Variants in RYR3 observed in about 807,000 individuals in gnomAD.
The protein encoded by RYR3 is brain ryanodine receptor-calcium release channel.
RYR3 carries 207 observed loss-of-function variants against 584.3 expected under a neutral mutation model. That is an observed-to-expected ratio of 0.35 (90% CI 0.32 to 0.40). The LOEUF (loss-of-function observed/expected upper bound fraction) is 0.40. RYR3 is among the 10% of genes least tolerant of loss of function. The pLI, the probability that RYR3 is intolerant of heterozygous loss-of-function variation, is 1.00. For synonymous variants in RYR3, 2,416 were observed against 2,248.5 expected (o/e 1.07, Z -2.11); for missense variants, 5,616 against 6,089.2 (o/e 0.92, Z 2.59).
chr15:33,617,411 CA>C (rs200334863), intron 19 of RYR3, among the ~76,000 whole-genome samples: 41 of 143,338 alleles, frequency 2.9e-4, no homozygotes, highest in African/African-American at 9.0e-4. Context: ...GACTCTGACT[CA>C]AAAAAAAAAC....
chr15:33,547,750 A>G (rs2056355530), intron 8 of RYR3, among the ~76,000 whole-genome samples: 1 of 152,202 alleles, frequency 6.6e-6, no homozygotes, highest in Admixed American at 6.5e-5. Context: ...TTAAAGATAT[A>G]ATAAAACTAC....
rs765265765 is a variant in RYR3 at position 33,838,642 on chromosome 15, A to G, written c.12662A>G (p.Glu4221Gly). 6.2e-7 allele frequency: 1 copy of G among 1,613,910 alleles called. No homozygotes were observed. Among genetic ancestry groups the G allele is most frequent in the Non-Finnish European group, 8.5e-7 (1 of 1,179,860 alleles). The change falls in exon 89 of 104, where the codon GAA (glutamate) becomes GGA (glycine). Residue 4221 changes from glutamate to glycine, a missense_variant. Around this residue, in one of 9 missense-constraint regions of RYR3, gnomAD observed 918 missense variants for 887.4 expected, o/e 1.03. Transcript: ENST00000634891. ...WSTVFGGGLV[E>G]GAKNIRVTKI... ...ACAGTGTTTGGAGGGGGCCTGGTAG[A>G]AGGGGCAAAGAACATCAGAGTGACC... is the stretch of plus-strand genomic sequence containing the variant.
Position 33,772,084 on chromosome 15 carries a change from C to T in RYR3, c.8981C>T (p.Thr2994Ile). The change falls in exon 63 of 104, where the codon ACA becomes ATA. Residue 2994 changes from threonine (T) to isoleucine (I), a missense_variant. Thr to Ile is a moderately conservative substitution (Grantham distance 89). This residue lies in a region of RYR3 where 954 missense variants were observed against 1,132.2 expected (regional missense o/e 0.84). Transcript: ENST00000634891. ...GTTTCTCAGAATATTAACTACACTA[C>T]AGTGGCTCTGCTCCCCATCCTGACG... ...KGVSQNINYT[T>I]VALLPILTSI... The T allele has an allele frequency of 6.2e-7, 1 of 1,613,810 alleles. No homozygotes were observed. Among genetic ancestry groups the T allele is most frequent in the East Asian group, 2.2e-5 (1 of 44,870 alleles).
chr15:33,781,976 G>A (rs1464787077), intron 65 of RYR3, among the ~76,000 whole-genome samples: 1 of 152,164 alleles, frequency 6.6e-6, no homozygotes, highest in African/African-American at 2.4e-5. Flanking sequence ...GTTGAGAAGT[G>A]GCTGTGACAT....
intron 10 of RYR3, among the ~76,000 whole-genome samples, chr15:33,557,001 C>G (rs1030794743): frequency 2.6e-5 from 4 of 152,268 alleles, no homozygotes; most frequent in South Asian, 4.1e-4. Context: ...TTCATGTTAA[C>G]CTTTAAGCAA....
intron 7 of RYR3, among the ~76,000 whole-genome samples, 180 bp downstream of exon 7, chr15:33,541,070 C>T (rs945571493): frequency 4.6e-5 from 7 of 152,120 alleles, no homozygotes; most frequent in Non-Finnish European, 2.9e-5. Flanking sequence ...ATTCTAACTT[C>T]CAGTTACATG....
At chr15:33,863,542 G>A (rs1051727009) in intron 102 of RYR3, among the ~76,000 whole-genome samples, 3 of 152,168 alleles carry the variant, frequency 2.0e-5, no homozygotes, top group Non-Finnish European at 2.9e-5. Flanking sequence ...TGTGAGCTGA[G>A]AGTTCAGCCC....
intron 1 of RYR3, among the ~76,000 whole-genome samples, chr15:33,320,698 A>G (rs985769704): frequency 2.0e-5 from 3 of 152,234 alleles, no homozygotes; most frequent in Non-Finnish European, 4.4e-5. Context: ...GGGTCATAAT[A>G]GTGCCTATCT....
At chr15:33,860,730 A>G (rs1597107475) in intron 101 of RYR3, 71 bp downstream of exon 101, 1 of 1,201,858 alleles carries the variant, frequency 8.3e-7, no homozygotes, top group Non-Finnish European at 1.2e-6. Flanking sequence ...TTTTTAAACA[A>G]TAGGTTTTAC....
rs561164319 is a variant in RYR3, at chr15:33,354,832, A to G, written c.51+43736A>G. On this transcript the variant is annotated intron_variant, in intron 1 of 103. Coordinates refer to ENST00000634891, the MANE Select transcript of RYR3 (RefSeq NM_001036.6). ...TTATTGGCCTGTCTCTGACAGGATC[A>G]GTTGAAAACCACCTTTCGGCAGCAT... Among the ~76,000 whole-genome samples the G allele has an allele frequency of 2.0e-5, 3 of 152,340 alleles. No individual in the cohort carries two copies. In the South Asian group the frequency reaches 6.2e-4, roughly 32 times the overall value.
At chr15:33,506,918 G>A (rs997572931) in intron 3 of RYR3, among the ~76,000 whole-genome samples, 27 of 152,224 alleles carry the variant, frequency 1.8e-4, no homozygotes, top group African/African-American at 6.0e-4. Context: ...ACATGACAGA[G>A]CAGAATGATT....
intron 18 of RYR3, among the ~76,000 whole-genome samples, chr15:33,606,932 T>G (rs578205692): frequency 4.3e-4 from 65 of 152,308 alleles, no homozygotes; most frequent in Non-Finnish European, 8.7e-4. Context: ...CCTGATTTAT[T>G]AAGACTACTG....
intron 1 of RYR3, among the ~76,000 whole-genome samples, chr15:33,379,666 C>CCTCT (rs72425368): frequency 0.098 from 12,668 of 129,042 alleles, 890 homozygotes; most frequent in East Asian, 0.32. Context: ...TGTGTGTGTC[C>CCTCT]CTCTCTCTCT....
chr15:33,773,544 G>T lies in RYR3; in HGVS notation c.9066G>T (p.Val3022=), dbSNP rs1281659678. The change falls in exon 64 of 104, where the codon GTG becomes GTT. Residue 3022 remains valine, a synonymous_variant. Transcript: ENST00000634891. ...QFGMDLLLGD[V]QISCYHILCS... Reference sequence around the variant, plus strand: ...TCTTCTTTGTTTCAGTGGGTGATGTGCAGATTTCATGCTACCACATACTGT... The same window carrying T: ...TCTTCTTTGTTTCAGTGGGTGATGTTCAGATTTCATGCTACCACATACTGT... 1.2e-6 allele frequency: 2 copies of T among 1,605,816 alleles called. No individual in the cohort carries two copies. The highest frequency in any genetic ancestry group is 4.5e-5 in the East Asian group (2 of 44,784).
chr15:33,523,263 A>G (rs2054141020), intron 3 of RYR3, among the ~76,000 whole-genome samples: 1 of 152,286 alleles, frequency 6.6e-6, no homozygotes, highest in East Asian at 1.9e-4. Flanking sequence ...AGCAGCGGCA[A>G]CCTGCTGGTG....
chr15:33,467,699 T>C (rs12050634), intron 1 of RYR3, among the ~76,000 whole-genome samples: 18,683 of 152,256 alleles, frequency 0.12, 1,471 homozygotes, highest in East Asian at 0.34. Flanking sequence ...ATGACAGGAA[T>C]AGCTGGCGTG....
At chr15:33,752,290 A>T (rs542746984) in intron 57 of RYR3, among the ~76,000 whole-genome samples, 2 of 152,164 alleles carry the variant, frequency 1.3e-5, no homozygotes, top group Non-Finnish European at 2.9e-5. Flanking sequence ...GCTTGATGGG[A>T]ATAGCATTGA....
intron 1 of RYR3, among the ~76,000 whole-genome samples, chr15:33,466,387 C>G (rs1361809760): frequency 6.6e-6 from 1 of 152,208 alleles, no homozygotes; most frequent in Non-Finnish European, 1.5e-5. Flanking sequence ...CAATTTGCTT[C>G]TTGGTATCCT....
chr15:33,544,202 G>A (rs972215079), intron 8 of RYR3, among the ~76,000 whole-genome samples: 1 of 152,086 alleles, frequency 6.6e-6, no homozygotes, highest in Non-Finnish European at 1.5e-5. Flanking sequence ...CTTCATGAAT[G>A]CTTTTCAAAG....
Sources: gnomAD v4.1 joint callset for allele counts (sites outside exome capture counted in the v4.1 genomes callset) on GRCh38, gnomAD v4.1.1 for gene constraint, gnomAD v4.1.1 regional missense constraint, MANE v1.5 for transcripts, NCBI Gene and HGNC (gene_info 2026-07-23, HGNC 2026-07-21) for gene names.